The following D2HGDH variants were observed in gnomAD, a reference collection of about 807,000 sequenced individuals.
The protein encoded by D2HGDH is D-2-hydroxyglutarate dehydrogenase.
Under a neutral mutation model 46.9 loss-of-function variants are expected in D2HGDH, and 31 were observed. The ratio of observed to expected loss-of-function variants is 0.66; its 90% CI spans 0.50 to 0.89. The LOEUF (loss-of-function observed/expected upper bound fraction) is 0.89, where lower values mean the gene tolerates loss of function less well. Ranked by LOEUF, D2HGDH falls within the 40% of genes least tolerant of loss-of-function variation. D2HGDH has a pLI of 0.00. For synonymous variants in D2HGDH, 364 were observed against 332.6 expected, an observed-to-expected ratio of 1.09 and a Z score of -1.03; for missense variants, 698 against 720.8, an observed-to-expected ratio of 0.97 and a Z score of 0.36.
rs187151294 is a variant in D2HGDH, at chr2:241,750,785, C to T, written c.998-461C>T. ...CCACCTCCCGGATTCAAACCATTCT[C>T]CTGCCTCAGCAGCCTCCACCTCCCG... On this transcript the variant is annotated intron_variant, in intron 7 of 9. Transcript: ENST00000321264. Among the ~76,000 whole-genome samples the T allele has an allele frequency of 8.3e-4, 126 of 152,152 alleles. 2 individuals carry two copies. The East Asian group carries it at 0.022, about 27-fold the overall frequency.
chr2:241,752,302 A>G (rs1431240575), intron 8 of D2HGDH, among the ~76,000 whole-genome samples: 3 of 152,124 alleles, frequency 2.0e-5, no homozygotes, highest in African/African-American at 7.2e-5. Context: ...CCTGATGCCC[A>G]GCCCAGGGGC....
intron 1 of D2HGDH, chr2:241,734,924 G>T (rs975076308): frequency 1.7e-5 from 6 of 363,582 alleles, no homozygotes; most frequent in East Asian, 1.3e-4. Context: ...GCAAGGTCCC[G>T]GCGAGGCCGC....
intron 6 of D2HGDH, chr2:241,749,295 G>GA (rs1696671397): frequency 7.8e-7 from 1 of 1,287,920 alleles, no homozygotes; most frequent in African/African-American, 1.5e-5. Flanking sequence ...GTCACCCAGT[G>GA]CAGGTGTCTG....
rs1433255984 is a variant in D2HGDH, at chr2:241,755,660, T to A, written c.1141-189T>A. The A allele has an allele frequency of 7.8e-6, 12 of 1,540,686 alleles. No individual in the cohort carries two copies. In the African/African-American group the frequency reaches 1.4e-4, roughly 18 times the overall value. On this transcript the variant is annotated intron_variant, in intron 8 of 9. Transcript: ENST00000321264. The stretch of plus-strand genomic sequence containing the variant: ...ATTCGCTGTCCTGGGTCAGAGCCCC[T>A]CCTGGTCTGGGACATTCGCTGTCTG...
At chr2:241,735,036 TC>T in intron 1 of D2HGDH, 96 bp from the exon 2 acceptor site, 1 of 662,602 alleles carries the variant, frequency 1.5e-6, no homozygotes, top group Non-Finnish European at 2.3e-6. Flanking sequence ...CTCGGAGCCT[TC>T]CCTTCGCTGC....
At chr2:241,750,011 C>T in intron 6 of D2HGDH, 140 bp from the exon 7 acceptor site, 2 of 1,251,840 alleles carry the variant, frequency 1.6e-6, no homozygotes, top group Admixed American at 1.9e-5. Flanking sequence ...CTGTTTGTTG[C>T]AGTGCCAGTC....
Position 241,742,878 on chromosome 2 carries a change from A to G in D2HGDH, c.490+304A>G, listed in dbSNP as rs371640577. ...CCCAGGGTGCCAGGGCGTGGCAGGC[A>G]TGAGGGGATCCTGACCCAGGGCGCC... On this transcript the variant is annotated intron_variant, in intron 4 of 9. Coordinates refer to ENST00000321264, the MANE Select transcript of D2HGDH (RefSeq NM_152783.5). The surrounding 1 kb of genome is among the most constrained non-coding windows in gnomAD (Gnocchi z 4.8). Among the ~76,000 whole-genome samples the G allele has an allele frequency of 0.067, 5,172 of 77,580 alleles. 19 individuals are homozygous for G. The highest frequency in any genetic ancestry group is 0.17 in the Middle Eastern group (22 of 130). The allele number at this position is 77,580 out of a possible 152,430, so 50.9% of individuals were successfully genotyped here.
At chr2:241,754,256 T>C (rs925107726) in intron 8 of D2HGDH, among the ~76,000 whole-genome samples, 2 of 152,178 alleles carry the variant, frequency 1.3e-5, no homozygotes, top group Admixed American at 6.5e-5. Context: ...CTCGCAGCCG[T>C]GCCCGTGCGG....
intron 9 of D2HGDH, among the ~76,000 whole-genome samples, chr2:241,763,163 T>G (rs374618172): frequency 6.6e-6 from 1 of 152,140 alleles, no homozygotes; most frequent in African/African-American, 2.4e-5. Context: ...CAGTTGGGTG[T>G]TGCTGAATGA....
chr2:241,751,416 C>T (rs545691320), intron 8 of D2HGDH, 28 bp downstream of exon 8: 77 of 1,611,492 alleles, frequency 4.8e-5, no homozygotes, highest in African/African-American at 2.7e-4. Context: ...TGCAGGTCCC[C>T]GCTCTCTGTC....
At chr2:241,748,452 C>T (rs1696448439) in intron 6 of D2HGDH, among the ~76,000 whole-genome samples, 1 of 152,132 alleles carries the variant, frequency 6.6e-6, no homozygotes, top group African/African-American at 2.4e-5. Context: ...TTTTTTGGCC[C>T]AGCGTTTGTG....
intron 8 of D2HGDH, chr2:241,755,402 G>T (rs770941454): frequency 2.3e-6 from 3 of 1,305,630 alleles, no homozygotes; most frequent in African/African-American, 1.5e-5. Flanking sequence ...TTCAGGGAGC[G>T]TCCAGGCCCA....
chr2:241,737,429 G>T (rs1693225687), intron 2 of D2HGDH, among the ~76,000 whole-genome samples: 1 of 152,250 alleles, frequency 6.6e-6, no homozygotes. Flanking sequence ...GTCTGTGCAC[G>T]AATGAGGGAC....
rs1004619836 is a variant in D2HGDH at position 241,735,147 on chromosome 2, G to A, written c.-78G>A. 48 of 1,391,848 alleles carry A rather than the reference G, an allele frequency of 3.4e-5. No individual in the cohort carries two copies. In the Middle Eastern group the frequency reaches 1.0e-3, roughly 30 times the overall value. The allele number at this position is 1,391,848 out of a possible 1,614,324, so 86.2% of individuals were successfully genotyped here. A position where few individuals can be genotyped will look rare whatever the true frequency, so the allele number is the denominator to read the frequency against. ...GCCACTTCCAGGCGCGCAGCCAGCG[G>A]CTCCCTGCCCTTCCCCTCCGGGCCC... On this transcript the variant is annotated 5_prime_UTR_variant, in exon 2 of 10. Coordinates refer to ENST00000321264, the MANE Select transcript of D2HGDH (RefSeq NM_152783.5).
chr2:241,751,024 C>T (rs1697095430), intron 7 of D2HGDH, among the ~76,000 whole-genome samples: 1 of 152,210 alleles, frequency 6.6e-6, no homozygotes, highest in Non-Finnish European at 1.5e-5. Flanking sequence ...TCCCAAAGTG[C>T]TGGGATTACA....
At chr2:241,735,754 T>G (rs577537098) in intron 2 of D2HGDH, among the ~76,000 whole-genome samples, 1 of 152,036 alleles carries the variant, frequency 6.6e-6, no homozygotes, top group South Asian at 2.1e-4. Context: ...TAAGACGGAG[T>G]CTCACTCTGT....
intron 8 of D2HGDH, among the ~76,000 whole-genome samples, chr2:241,753,513 A>C (rs1697631563): frequency 6.6e-6 from 1 of 151,764 alleles, no homozygotes; most frequent in African/African-American, 2.4e-5. Context: ...TCTGCTTTCC[A>C]CTCTGTGGTC....
In D2HGDH at chr2:241,767,830, A is replaced by T; in HGVS notation, c.1427A>T (p.His476Leu). ...CAGCAGGGCAGCGTCAGCGCGGAGC[A>T]CGGAGTGGGCTTCAGGAAGAGGGAC... is the stretch of plus-strand genomic sequence containing the variant. ...AGQQGSVSAE[H>L]GVGFRKRDVL... is the part of the protein sequence containing the mutation. The change falls in exon 10 of 10, where the codon CAC (histidine) becomes CTC (leucine). Residue 476 changes from histidine (H) to leucine (L), a missense_variant. By Grantham distance (99) the His-to-Leu change is moderately conservative. Coordinates refer to ENST00000321264, the MANE Select transcript of D2HGDH (RefSeq NM_152783.5). The T allele has an allele frequency of 1.2e-6, 2 of 1,612,444 alleles. No individual in the cohort carries two copies. Among genetic ancestry groups the T allele is most frequent in the Non-Finnish European group, 1.7e-6 (2 of 1,179,540 alleles).
chr2:241,759,917 C>A lies in D2HGDH; in HGVS notation c.1306+3903C>A, dbSNP rs139747640. Among the ~76,000 whole-genome samples the A allele has an allele frequency of 6.4e-3, 969 of 152,310 alleles. 6 individuals carry two copies. Among genetic ancestry groups the A allele is most frequent in the Admixed American group, 0.01 (157 of 15,298 alleles). On this transcript the variant is annotated intron_variant, in intron 9 of 9. Transcript: ENST00000321264. The stretch of plus-strand genomic sequence containing the variant: ...CCTGGTACCCTCGTTTGGTCAAACT[C>A]CAGTTTGGATGTTTCTGTGAAGATA...
Sources: allele counts gnomAD v4.1 joint callset (sites outside exome capture counted in the v4.1 genomes callset), GRCh38; gene constraint gnomAD v4.1.1; non-coding constraint Gnocchi (gnomAD v3.1); transcripts MANE v1.5; gene names NCBI Gene and HGNC (gene_info 2026-07-23, HGNC 2026-07-21).